Variants in RICTOR observed in about 807,000 individuals in gnomAD.
RICTOR encodes the protein RPTOR independent companion of MTOR complex 2.
A neutral mutation model predicts 214.9 loss-of-function variants in RICTOR; 49 were observed. The observed-to-expected ratio is 0.23, with a 90% CI of 0.18 to 0.29. The LOEUF is 0.29. Among genes scored for constraint, RICTOR ranks in the 10% least tolerant of loss-of-function variants. The probability of loss-of-function intolerance (pLI) is 1.00; values close to 1 mark genes in which losing one functional copy is unlikely to be tolerated. For synonymous variants in RICTOR, 717 were observed against 711.3 expected, an observed-to-expected ratio of 1.01 and a Z score of -0.13; for missense variants, 1,625 against 2,047.0, an observed-to-expected ratio of 0.79 and a Z score of 3.98.
rs1750241618 is a variant in RICTOR at position 38,966,558 on chromosome 5, A to G, written c.1299+83T>C. ...TGCAAATTTATTTTTGAGATAATACAAAGCAACACTATTAAAATAACTTGT... is the reference window on the plus strand; with the variant it reads ...TGCAAATTTATTTTTGAGATAATACGAAGCAACACTATTAAAATAACTTGT... On this transcript the variant is annotated intron_variant, in intron 15 of 37. Coordinates refer to ENST00000357387, the MANE Select transcript of RICTOR (RefSeq NM_152756.5). The G allele has an allele frequency of 8.2e-6, 6 of 733,666 alleles. No homozygotes were observed. In the East Asian group the frequency reaches 1.6e-4, roughly 20 times the overall value. 45.4% of individuals were successfully genotyped at this position (733,666 alleles called of 1,614,324 possible).
chr5:39,070,269 T>C (rs544069773), intron 2 of RICTOR, among the ~76,000 whole-genome samples: 5 of 151,776 alleles, frequency 3.3e-5, no homozygotes, highest in Non-Finnish European at 7.4e-5. Context: ...ATCGAGACCA[T>C]CCTGGCTAAC....
chr5:39,070,015 GA>G (rs1759196394), intron 2 of RICTOR, among the ~76,000 whole-genome samples: 1 of 152,118 alleles, frequency 6.6e-6, no homozygotes. Flanking sequence ...CTATTCCAAT[GA>G]AACCCTTAAA....
At chr5:39,059,917 C>T (rs1054338990) in intron 2 of RICTOR, among the ~76,000 whole-genome samples, 5 of 152,078 alleles carry the variant, frequency 3.3e-5, no homozygotes, top group African/African-American at 9.7e-5. Context: ...AAGAAACACG[C>T]TCAGAAAAGG....
intron 2 of RICTOR, among the ~76,000 whole-genome samples, chr5:39,065,352 C>A (rs1471947793): frequency 6.6e-6 from 1 of 152,176 alleles, no homozygotes; most frequent in African/African-American, 2.4e-5. Context: ...GATCCACTCC[C>A]ATGACCCAAA....
At chr5:39,071,289 T>C (rs892517926) in intron 2 of RICTOR, among the ~76,000 whole-genome samples, 1 of 152,170 alleles carries the variant, frequency 6.6e-6, no homozygotes. Context: ...TTTACAATTG[T>C]TATATTCAAG....
intron 3 of RICTOR, among the ~76,000 whole-genome samples, chr5:39,005,512 G>C (rs1275664341): frequency 1.3e-5 from 2 of 151,956 alleles, no homozygotes; most frequent in African/African-American, 4.8e-5. Flanking sequence ...CCATTCCAAT[G>C]TGCTAATGAA....
chr5:39,010,734 T>C (rs1402868119), intron 3 of RICTOR, among the ~76,000 whole-genome samples: 5 of 152,214 alleles, frequency 3.3e-5, no homozygotes, highest in Non-Finnish European at 7.3e-5. Context: ...TGTGGAACTC[T>C]GAACTTGAGA....
rs1239974581 is a variant in RICTOR at position 39,046,027 on chromosome 5, A to AT, written c.98-24892_98-24891insA. Reference sequence around the variant, plus strand: ...AGTCTCTTTCACTAGCTCTGTCTTTAAAAATAAATAAATAAATAAATAAAT... The same window carrying AT: ...AGTCTCTTTCACTAGCTCTGTCTTTATAAAATAAATAAATAAATAAATAAAT... On this transcript the variant is annotated intron_variant, in intron 2 of 37. Transcript: ENST00000357387. Among the ~76,000 whole-genome samples, 755 of 139,768 alleles carry AT rather than the reference A, an allele frequency of 5.4e-3. 5 individuals carry two copies. The highest frequency in any genetic ancestry group is 0.014 in the Middle Eastern group (4 of 276). The allele number at this position is 139,768 out of a possible 152,430, so 91.7% of individuals were successfully genotyped here. A position where few individuals can be genotyped will look rare whatever the true frequency, so the allele number is the denominator to read the frequency against.
At chr5:39,068,939 C>G (rs1759101334) in intron 2 of RICTOR, among the ~76,000 whole-genome samples, 1 of 152,178 alleles carries the variant, frequency 6.6e-6, no homozygotes, top group Non-Finnish European at 1.5e-5. Context: ...CCCTGTGACA[C>G]TGGTTAAGTT....
intron 2 of RICTOR, among the ~76,000 whole-genome samples, chr5:39,056,343 A>T (rs1273652327): frequency 5.9e-5 from 9 of 152,158 alleles, no homozygotes; most frequent in Non-Finnish European, 5.9e-5. Flanking sequence ...ATGAAAGAAA[A>T]AGCAATAATG....
At chr5:38,994,051 G>A (rs1437750479) in intron 6 of RICTOR, among the ~76,000 whole-genome samples, 14 of 151,972 alleles carry the variant, frequency 9.2e-5, no homozygotes, top group Non-Finnish European at 1.5e-4. Flanking sequence ...TTAGCAGGGC[G>A]TGGTGGCGGG....
chr5:38,972,822 T>G (rs963153695), intron 10 of RICTOR, among the ~76,000 whole-genome samples: 1 of 151,488 alleles, frequency 6.6e-6, no homozygotes, highest in Non-Finnish European at 1.5e-5. Context: ...CAAAGAAGCT[T>G]TATCTTTGAT....
chr5:38,954,911 T>A, intron 26 of RICTOR, 50 bp from the exon 27 acceptor site: 1 of 850,010 alleles, frequency 1.2e-6, no homozygotes, highest in Non-Finnish European at 1.9e-6. Context: ...TTAAATATGC[T>A]AATTAGAACA....
rs1425174056 is a variant in RICTOR at position 38,938,046 on chromosome 5, A to C, written c.*4258T>G. 7 of 204,078 alleles carry C rather than the reference A, an allele frequency of 3.4e-5. No homozygotes were observed. In the Admixed American group the frequency reaches 4.2e-4, roughly 12 times the overall value. The allele number at this position is 204,078 out of a possible 1,614,324, so 12.6% of individuals were successfully genotyped here. ...AAAAACAAGAAAATCACAACAAAAA[A>C]AATCAAGGTGAGCAAAACCATTTGG... On this transcript the variant is annotated 3_prime_UTR_variant, in exon 38 of 38. Coordinates refer to ENST00000357387, the MANE Select transcript of RICTOR (RefSeq NM_152756.5).
chr5:38,986,579 GTAC>G (rs1752190643), intron 7 of RICTOR, among the ~76,000 whole-genome samples: 1 of 152,128 alleles, frequency 6.6e-6, no homozygotes, highest in Admixed American at 6.5e-5. Flanking sequence ...TACCAGAAAT[GTAC>G]TACTTTTTCA....
Position 38,946,378 on chromosome 5 carries a change from A to G in RICTOR, c.4399+90T>C, listed in dbSNP as rs936454529. 3.9e-5 allele frequency: 31 copies of G among 789,826 alleles called. No homozygotes were observed. In the South Asian group the frequency reaches 5.2e-4, roughly 13 times the overall value. 48.9% of individuals were successfully genotyped at this position (789,826 alleles called of 1,614,324 possible). ...AGTTGATCCAAAAGTGAGTCTTCCT[A>G]AATTTTTAGTGTTATCCTACTAGAA... On this transcript the variant is annotated intron_variant, in intron 33 of 37. Coordinates refer to ENST00000357387, the MANE Select transcript of RICTOR (RefSeq NM_152756.5).
chr5:38,983,376 C>T lies in RICTOR; in HGVS notation c.584-1340G>A, dbSNP rs368612697. ...TACTACCTAAAATTAAGTTGGTTTT[C>T]GCTTCAGAGTTTTTCTATATATAAG... On this transcript the variant is annotated intron_variant, in intron 7 of 37. Transcript: ENST00000357387. Among the ~76,000 whole-genome samples, 5 of 152,224 alleles carry T rather than the reference C, an allele frequency of 3.3e-5. No homozygotes were observed. In the South Asian group the frequency reaches 8.3e-4, roughly 25 times the overall value.
chr5:39,016,933 A>T (rs1002526942), intron 3 of RICTOR, among the ~76,000 whole-genome samples: 1 of 152,194 alleles, frequency 6.6e-6, no homozygotes, highest in Non-Finnish European at 1.5e-5. Flanking sequence ...AATTACATCA[A>T]ATGATGTTTT....
intron 2 of RICTOR, among the ~76,000 whole-genome samples, chr5:39,069,739 T>C (rs1376080447): frequency 6.6e-6 from 1 of 152,212 alleles, no homozygotes; most frequent in Admixed American, 6.5e-5. Flanking sequence ...ATCCGTCAGA[T>C]TATATCAGCA....
Sources: gnomAD v4.1 joint callset for allele counts (sites outside exome capture counted in the v4.1 genomes callset) on GRCh38, gnomAD v4.1.1 for gene constraint, MANE v1.5 for transcripts, NCBI Gene and HGNC (gene_info 2026-07-23, HGNC 2026-07-21) for gene names.